TEX11: variants seen among roughly 807,000 people sequenced by gnomAD.
TEX11 encodes testis expressed 11.
Under a neutral mutation model 84.4 loss-of-function variants are expected in TEX11, and 7 were observed. That is an observed-to-expected ratio of 0.08 (90% CI 0.05 to 0.16). TEX11 has a LOEUF of 0.16. Ranked by LOEUF, TEX11 falls within the 10% of genes least tolerant of loss-of-function variation. The pLI, the probability that TEX11 is intolerant of heterozygous loss-of-function variation, is 1.00. For synonymous variants in TEX11, 264 were observed against 222.8 expected (o/e 1.18, Z -1.64); for missense variants, 551 against 660.5 (o/e 0.83, Z 1.82).
intron 2 of TEX11, among the ~76,000 whole-genome samples, chrX:70,895,062 G>T (rs192385037): frequency 9.0e-6 from 1 of 111,538 alleles, no homozygotes; most frequent in East Asian, 2.8e-4. Context: ...GAAATTAGTG[G>T]TATTCAAATA....
chrX:70,640,480 A>T (rs2089640380), intron 17 of TEX11, among the ~76,000 whole-genome samples: 1 of 109,603 alleles, frequency 9.1e-6, no homozygotes, highest in Non-Finnish European at 1.9e-5. Flanking sequence ...GATTCACCAA[A>T]GTTGAAATGA....
At chrX:70,674,940 C>T (rs1036336177) in intron 15 of TEX11, among the ~76,000 whole-genome samples, 1 of 109,924 alleles carries the variant, frequency 9.1e-6, no homozygotes, top group African/African-American at 3.3e-5. Context: ...GATTTTATCT[C>T]ATTTTTAAAA....
At position 70,860,867 on chromosome X, in the gene TEX11, C is replaced by A; in HGVS notation, c.314G>T (p.Arg105Leu). ...ASFASEQSIQRLIMMNMRIGK... is the reference protein window; with the variant it reads ...ASFASEQSIQLLIMMNMRIGK... ...TAAATTAAGACTTACCATAATCAGT[C>A]GTTGAATACTTTGTTCTGAGGCAAA... The change falls in exon 5 of 30, where the codon CGA becomes CTA. Residue 105 changes from arginine to leucine, a missense_variant. Arg to Leu is a moderately radical substitution (Grantham distance 102, BLOSUM62 -2). Coordinates refer to ENST00000374333, the MANE Select transcript of TEX11 (RefSeq NM_031276.3). 1 of 1,187,208 alleles carries A rather than the reference C, an allele frequency of 8.4e-7. No homozygotes were observed. Among genetic ancestry groups the A allele is most frequent in the South Asian group, 1.8e-5 (1 of 54,480 alleles).
At chrX:70,650,665 T>C (rs1198685454) in intron 17 of TEX11, among the ~76,000 whole-genome samples, 1 of 111,860 alleles carries the variant, frequency 8.9e-6, no homozygotes, top group Non-Finnish European at 1.9e-5. Context: ...AAGGAGTGAA[T>C]AACAGAGTCC....
rs139718466 is a variant in TEX11, at chrX:70,582,694, T to C, written c.2140+9057A>G. ...TTCTTTAGAATTGTGTTACCTCCTA[T>C]GTTAGAATTGTGTTACCTCCTATGT... On this transcript the variant is annotated intron_variant, in intron 25 of 29. Coordinates refer to ENST00000374333, the MANE Select transcript of TEX11 (RefSeq NM_031276.3). Among the ~76,000 whole-genome samples the C allele has an allele frequency of 8.5e-3, 935 of 110,001 alleles. 6 individuals are homozygous for C. Among genetic ancestry groups the C allele is most frequent in the African/African-American group, 0.029 (893 of 30,466 alleles).
intron 16 of TEX11, among the ~76,000 whole-genome samples, chrX:70,656,873 G>A (rs2089872318): frequency 8.9e-6 from 1 of 111,876 alleles, no homozygotes; most frequent in African/African-American, 3.2e-5. Flanking sequence ...AGCGATAGTA[G>A]TCTAGGCCCT....
At chrX:70,600,124 A>C (rs1463797923) in intron 24 of TEX11, among the ~76,000 whole-genome samples, 1 of 111,496 alleles carries the variant, frequency 9.0e-6, no homozygotes, top group African/African-American at 3.3e-5. Context: ...GAACTAGTTT[A>C]CAGTCCAACC....
intron 25 of TEX11, among the ~76,000 whole-genome samples, chrX:70,567,644 G>A (rs1287280109): frequency 9.0e-6 from 1 of 111,141 alleles, no homozygotes; most frequent in Non-Finnish European, 1.9e-5. Flanking sequence ...CTTTATTTCT[G>A]CCTTCGTTTT....
intron 13 of TEX11, among the ~76,000 whole-genome samples, chrX:70,708,875 T>C (rs1256386230): frequency 9.2e-6 from 1 of 108,364 alleles, no homozygotes; most frequent in Non-Finnish European, 1.9e-5. Flanking sequence ...AATATACCCA[T>C]GTAACTAGGC....
chrX:70,609,689 G>T (rs1220345680), intron 21 of TEX11, among the ~76,000 whole-genome samples: 2 of 111,960 alleles, frequency 1.8e-5, no homozygotes, highest in African/African-American at 6.5e-5. Flanking sequence ...AAACCACTTT[G>T]CTATGTTTAA....
intron 25 of TEX11, among the ~76,000 whole-genome samples, chrX:70,555,447 T>C (rs1398729113): frequency 1.8e-5 from 2 of 112,205 alleles, no homozygotes; most frequent in Non-Finnish European, 3.8e-5. Flanking sequence ...TTAAACAGCT[T>C]GATGAGTTTT....
intron 2 of TEX11, among the ~76,000 whole-genome samples, chrX:70,906,553 C>CGAG (rs1569464841): frequency 1.8e-5 from 2 of 110,606 alleles, no homozygotes; most frequent in Non-Finnish European, 3.8e-5. Context: ...TTTGGGAGGC[C>CGAG]GAGGCAGGTG....
chrX:70,678,877 C>T lies in TEX11; in HGVS notation c.1169G>A (p.Gly390Glu), dbSNP rs1316679274. The T allele has an allele frequency of 9.5e-6, 11 of 1,161,173 alleles. No individual in the cohort carries two copies. The highest frequency in any genetic ancestry group is 1.1e-5 in the Non-Finnish European group (10 of 875,070). Residue 390 changes from glycine (G) to glutamate (E), a missense_variant, in exon 15 of 30, where the codon GGA becomes GAA. By Grantham distance (98) the Gly-to-Glu change is moderately conservative. Coordinates refer to ENST00000374333, the MANE Select transcript of TEX11 (RefSeq NM_031276.3). ...CATTGATTCTGCTGTCAGTTGTCTT[C>T]CTGTTTGGTGAGCTGAAAAAAAAAA... ...IEEIFLAHQTGRQLTAESMNW... is the reference protein window; with the variant it reads ...IEEIFLAHQTERQLTAESMNW...
intron 9 of TEX11, among the ~76,000 whole-genome samples, chrX:70,756,060 A>G (rs1008628665): frequency 2.7e-5 from 3 of 111,705 alleles, no homozygotes; most frequent in Non-Finnish European, 5.7e-5. Context: ...GCCATTGCTG[A>G]GGCTTGAGTA....
At position 70,705,119 on chromosome X, in the gene TEX11, T is replaced by C. The variant is rs2090360218; in HGVS notation, c.1004+17499A>G. On this transcript the variant is annotated intron_variant, in intron 13 of 29. Coordinates refer to ENST00000374333, the MANE Select transcript of TEX11 (RefSeq NM_031276.3). ...TCAGATGGCTGTAGATGTGTGGTATTATTTCTGAGGCCTCTGTTCTGTTCC... is the reference window on the plus strand; with the variant it reads ...TCAGATGGCTGTAGATGTGTGGTATCATTTCTGAGGCCTCTGTTCTGTTCC... Among the ~76,000 whole-genome samples the C allele has an allele frequency of 5.4e-5, 6 of 111,643 alleles. No individual in the cohort carries two copies. The East Asian group carries it at 1.7e-3, about 32-fold the overall frequency.
intron 25 of TEX11, among the ~76,000 whole-genome samples, chrX:70,584,103 C>A (rs7887433): frequency 0.27 from 28,750 of 104,873 alleles, 3,243 homozygotes; most frequent in Admixed American, 0.4. Context: ...CAAGGTGAAA[C>A]CCCGTCTCTA....
intron 28 of TEX11, among the ~76,000 whole-genome samples, chrX:70,543,106 T>C (rs1334985255): frequency 2.7e-5 from 3 of 110,841 alleles, no homozygotes; most frequent in African/African-American, 9.8e-5. Flanking sequence ...GGCGTGAACC[T>C]GGGAGGTGGA....
At chrX:70,670,542 C>A in intron 15 of TEX11, 28 bp from the exon 16 acceptor site, 1 of 1,177,713 alleles carries the variant, frequency 8.5e-7, no homozygotes, top group Non-Finnish European at 1.1e-6. Context: ...ACAACAAAAT[C>A]ACAGCGATGT....
chrX:70,831,447 T>C (rs1188668000), intron 8 of TEX11, among the ~76,000 whole-genome samples: 1 of 110,768 alleles, frequency 9.0e-6, no homozygotes, highest in Non-Finnish European at 1.9e-5. Flanking sequence ...CATAACATAG[T>C]GAAACCCCCA....
Sources: gnomAD v4.1 joint callset for allele counts (sites outside exome capture counted in the v4.1 genomes callset) on GRCh38, gnomAD v4.1.1 for gene constraint, MANE v1.5 for transcripts, NCBI Gene and HGNC (gene_info 2026-07-23, HGNC 2026-07-21) for gene names.